FUT8: variants seen among roughly 807,000 people sequenced by gnomAD.
The protein encoded by FUT8 is alpha-(1,6)-fucosyltransferase.
FUT8 carries 29 observed loss-of-function variants against 71.3 expected under a neutral mutation model. The observed-to-expected ratio is 0.41, with a 90% CI of 0.30 to 0.55. The LOEUF is 0.55. FUT8 is among the 20% of genes least tolerant of loss of function. The pLI, the probability that FUT8 is intolerant of heterozygous loss-of-function variation, is 0.34. For synonymous variants in FUT8, 254 were observed against 239.3 expected (o/e 1.06, Z -0.57); for missense variants, 544 against 702.1 (o/e 0.77, Z 2.55).
intron 2 of FUT8, among the ~76,000 whole-genome samples, chr14:65,498,098 A>G (rs2066588478): frequency 6.6e-6 from 1 of 152,134 alleles, no homozygotes; most frequent in African/African-American, 2.4e-5. Context: ...GTTTTCTACT[A>G]TTGCTTTGCT....
chr14:65,560,207 GT>G (rs1454200241), intron 2 of FUT8, among the ~76,000 whole-genome samples: 1 of 148,398 alleles, frequency 6.7e-6, no homozygotes, highest in Non-Finnish European at 1.5e-5. Flanking sequence ...TTGATTTGTG[GT>G]CAAGTGCCCC....
chr14:65,562,392 T>C (rs1885962207), intron 3 of FUT8, among the ~76,000 whole-genome samples: 1 of 152,130 alleles, frequency 6.6e-6, no homozygotes, highest in East Asian at 1.9e-4. Context: ...ATTAAACAAC[T>C]GGATCTGGAA....
In FUT8 at chr14:65,660,915, A is replaced by T. The variant is rs540518722; in HGVS notation, c.598-8328A>T. Among the ~76,000 whole-genome samples, 20 of 152,316 alleles carry T rather than the reference A, an allele frequency of 1.3e-4. No individual in the cohort carries two copies. Among genetic ancestry groups the T allele is most frequent in the Admixed American group, 2.0e-4 (3 of 15,292 alleles). On this transcript the variant is annotated intron_variant, in intron 6 of 10. Transcript: ENST00000673929. The surrounding 1 kb of genome is among the most constrained non-coding windows in gnomAD (Gnocchi z 4.1). ...ATAAAATCAGATTGTTTCTAATATAATGAAATGCTTTCACTACACTATTAA... is the reference window on the plus strand; with the variant it reads ...ATAAAATCAGATTGTTTCTAATATATTGAAATGCTTTCACTACACTATTAA...
chr14:65,726,507 C>T (rs1458269782), intron 9 of FUT8, among the ~76,000 whole-genome samples: 1 of 152,188 alleles, frequency 6.6e-6, no homozygotes, highest in Non-Finnish European at 1.5e-5. Context: ...AGGGAAACTC[C>T]CATTTTTCAA....
chr14:65,363,270 C>T, the FUT8 span, among the ~76,000 whole-genome samples: 2 of 51,316 alleles, frequency 3.9e-5, no homozygotes, highest in Non-Finnish European at 8.9e-5. Context: ...TACAGGTGCC[C>T]GCCACCAAGC....
At chr14:65,565,022 A>G (rs1453401273) in intron 3 of FUT8, among the ~76,000 whole-genome samples, 1 of 152,030 alleles carries the variant, frequency 6.6e-6, no homozygotes, top group Non-Finnish European at 1.5e-5. Flanking sequence ...GTGGCCAGAA[A>G]GTCCAAGATT....
At chr14:65,731,789 C>A (rs1343587774) in intron 9 of FUT8, among the ~76,000 whole-genome samples, 1 of 152,150 alleles carries the variant, frequency 6.6e-6, no homozygotes, top group East Asian at 1.9e-4. Flanking sequence ...GCCACCGCAC[C>A]CAGCCTTAGG....
intron 7 of FUT8, among the ~76,000 whole-genome samples, chr14:65,720,796 G>A (rs1895376232): frequency 6.6e-6 from 1 of 152,064 alleles, no homozygotes. Flanking sequence ...TCCAACCGCT[G>A]GGATGGACAT....
chr14:65,447,928 G>A (rs376400576), intron 1 of FUT8, among the ~76,000 whole-genome samples: 8 of 152,246 alleles, frequency 5.3e-5, no homozygotes, highest in African/African-American at 1.9e-4. Flanking sequence ...TTTCTTGAAA[G>A]GCACGATAAC....
chr14:65,613,412 A>T (rs59685862), intron 3 of FUT8, among the ~76,000 whole-genome samples: 19,503 of 152,226 alleles, frequency 0.13, 1,623 homozygotes, highest in East Asian at 0.38. Context: ...TTAAGAGCCA[A>T]GTCTTAGAAA....
At chr14:65,480,697 AT>A (rs1056960992) in intron 2 of FUT8, among the ~76,000 whole-genome samples, 89 of 143,362 alleles carry the variant, frequency 6.2e-4, no homozygotes, top group Non-Finnish European at 4.9e-4. Context: ...CTGTAATTCT[AT>A]TTTTTTTTTT....
chr14:65,425,454 C>A (rs1291825044), intron 1 of FUT8, among the ~76,000 whole-genome samples: 2 of 148,328 alleles, frequency 1.3e-5, no homozygotes, highest in Non-Finnish European at 3.0e-5. Flanking sequence ...AGGTATGAGC[C>A]ACCATGCCTG....
intron 2 of FUT8, among the ~76,000 whole-genome samples, chr14:65,536,848 G>C (rs191209141): frequency 9.2e-5 from 14 of 152,208 alleles, no homozygotes; most frequent in Admixed American, 7.9e-4. Context: ...GTGTTTTCCA[G>C]GTTGCTTCCA....
At chr14:65,694,223 C>CT (rs1417443030) in intron 7 of FUT8, among the ~76,000 whole-genome samples, 1 of 152,008 alleles carries the variant, frequency 6.6e-6, no homozygotes, top group Non-Finnish European at 1.5e-5. Flanking sequence ...TTAATTTGTG[C>CT]TTTTTTCTAG....
At chr14:65,597,023 A>G (rs2140156857) in intron 3 of FUT8, among the ~76,000 whole-genome samples, 1 of 152,300 alleles carries the variant, frequency 6.6e-6, no homozygotes, top group South Asian at 2.1e-4. Context: ...AATAATTTTG[A>G]TAGGTAACAT....
At chr14:65,602,191 T>C (rs1170702294) in intron 3 of FUT8, among the ~76,000 whole-genome samples, 1 of 150,698 alleles carries the variant, frequency 6.6e-6, no homozygotes, top group African/African-American at 2.4e-5. Flanking sequence ...TGTATCCTCA[T>C]AGCTTAGCTC....
At chr14:65,572,647 C>T (rs957588026) in intron 3 of FUT8, among the ~76,000 whole-genome samples, 2 of 151,954 alleles carry the variant, frequency 1.3e-5, no homozygotes, top group South Asian at 2.1e-4. Flanking sequence ...TCTCTTTCTA[C>T]CAGATTCCTT....
intron 6 of FUT8, among the ~76,000 whole-genome samples, chr14:65,648,123 A>G (rs1891198830): frequency 2.6e-5 from 4 of 152,152 alleles, no homozygotes; most frequent in Admixed American, 1.3e-4. Context: ...AACTATGTTC[A>G]TTTGTTTGTA....
chr14:65,509,263 G>A (rs187280653), intron 2 of FUT8, among the ~76,000 whole-genome samples: 1 of 151,582 alleles, frequency 6.6e-6, no homozygotes, highest in African/African-American at 2.4e-5. Context: ...CTGGGTTCTC[G>A]GTTCTATTGT....
Sources: gnomAD v4.1 joint callset for allele counts (sites outside exome capture counted in the v4.1 genomes callset) on GRCh38, gnomAD v4.1.1 for gene constraint, Gnocchi (gnomAD v3.1) non-coding constraint, MANE v1.5 for transcripts, NCBI Gene and HGNC (gene_info 2026-07-23, HGNC 2026-07-21) for gene names.